Variants in GPR26 observed in about 807,000 individuals in gnomAD.
GPR26 encodes G protein-coupled receptor 26.
GPR26 carries 15 observed loss-of-function variants against 23.1 expected under a neutral mutation model. The ratio of observed to expected loss-of-function variants is 0.65; its 90% CI spans 0.43 to 1.00. The LOEUF is 1.00. GPR26 is among the 50% of genes least tolerant of loss of function. The probability of loss-of-function intolerance (pLI) is 0.00; values close to 1 mark genes in which losing one functional copy is unlikely to be tolerated. For synonymous variants in GPR26, 228 were observed against 222.1 expected, an observed-to-expected ratio of 1.03 and a Z score of -0.24; for missense variants, 359 against 470.5, an observed-to-expected ratio of 0.76 and a Z score of 2.19.
Position 123,692,537 on chromosome 10 carries a change from T to G in GPR26, c.*4377T>G, listed in dbSNP as rs1291650755. The G allele has an allele frequency of 6.6e-6, 1 of 152,450 alleles. No homozygotes were observed. The highest frequency in any genetic ancestry group is 1.9e-4 in the East Asian group (1 of 5,184). The allele number at this position is 152,450 out of a possible 1,614,324, so 9.4% of individuals were successfully genotyped here. A position where few individuals can be genotyped will look rare whatever the true frequency, so the allele number is the denominator to read the frequency against. ...CAGCTGGTGGGTATGGAGGAAAGAC[T>G]AGACATCAGGCTATGGACTCACATG... On this transcript the variant is annotated 3_prime_UTR_variant, in exon 3 of 3. Transcript: ENST00000284674.
rs1363575266 is a variant in GPR26, at chr10:123,696,404, T to C, written c.*8244T>C. 1.3e-5 allele frequency among the ~76,000 whole-genome samples: 2 copies of C among 152,110 alleles called. No individual in the cohort carries two copies. Among genetic ancestry groups the C allele is most frequent in the East Asian group, 3.9e-4 (2 of 5,188 alleles). On this transcript the variant is annotated 3_prime_UTR_variant, in exon 3 of 3. Coordinates refer to ENST00000284674, the MANE Select transcript of GPR26 (RefSeq NM_153442.4). ...ATTTTCATAGATTCTATTTTTTTCA[T>C]GTCTGTGAAAAGTGGGGTGGGGAAC...
chr10:123,695,579 G>A lies in GPR26; in HGVS notation c.*7419G>A, dbSNP rs190533135. On this transcript the variant is annotated 3_prime_UTR_variant, in exon 3 of 3. Transcript: ENST00000284674. ...TCGGGGGAGCATTGGATGCCATCAC[G>A]TTGACACTCAATTGATTGGGTGACC... Among the ~76,000 whole-genome samples, 4 of 152,274 alleles carry A rather than the reference G, an allele frequency of 2.6e-5. No individual in the cohort carries two copies. Among genetic ancestry groups the A allele is most frequent in the South Asian group, 2.1e-4 (1 of 4,822 alleles).
intron 2 of GPR26, among the ~76,000 whole-genome samples, chr10:123,686,268 T>C (rs1845429506): frequency 1.3e-5 from 2 of 152,258 alleles, no homozygotes; most frequent in Admixed American, 6.5e-5. Context: ...TGTGTTGGCA[T>C]TCAGCTAATT....
At position 123,694,765 on chromosome 10, in the gene GPR26, A is replaced by AGAAG. The variant is rs1293299461; in HGVS notation, c.*6618_*6621dup. ...GCAGATTCCCTAGGAAGTTGAACGAAGAAGGAAGGAAGGAAGAAAGGAGAG... is the reference window on the plus strand; with the variant it reads ...GCAGATTCCCTAGGAAGTTGAACGAAGAAGGAAGGAAGGAAGGAAGAAAGGAGAG... On this transcript the variant is annotated 3_prime_UTR_variant, in exon 3 of 3. Coordinates refer to ENST00000284674, the MANE Select transcript of GPR26 (RefSeq NM_153442.4). Among the ~76,000 whole-genome samples, 3 of 138,666 alleles carry AGAAG rather than the reference A, an allele frequency of 2.2e-5. No homozygotes were observed. Among genetic ancestry groups the AGAAG allele is most frequent in the African/African-American group, 9.0e-5 (3 of 33,454 alleles). The allele number at this position is 138,666 out of a possible 152,430, so 91.0% of individuals were successfully genotyped here. A position where few individuals can be genotyped will look rare whatever the true frequency, so the allele number is the denominator to read the frequency against.
At chr10:123,682,470 C>A (rs1295143788) in intron 2 of GPR26, among the ~76,000 whole-genome samples, 3 of 152,214 alleles carry the variant, frequency 2.0e-5, no homozygotes, top group Non-Finnish European at 4.4e-5. Flanking sequence ...AAGTCACAGT[C>A]ACACAGGCTC....
rs953549609 is a variant in GPR26 at position 123,687,960 on chromosome 10, G to T, written c.814G>T (p.Gly272Cys). 6.2e-7 allele frequency: 1 copy of T among 1,613,500 alleles called. No homozygotes were observed. The highest frequency in any genetic ancestry group is 1.3e-5 in the African/African-American group (1 of 74,898). Residue 272 changes from glycine (G) to cysteine (C), a missense_variant, in exon 3 of 3, where the codon GGC (glycine) becomes TGC (cysteine). By Grantham distance (159) the Gly-to-Cys change is radical (BLOSUM62 -3). Transcript: ENST00000284674. Reference sequence around the variant, plus strand: ...GGAGCTCTTCTCCACGGTGCCCATCGGCTCCCACTGGGGGGTGCTGTCCAA... The same window carrying T: ...GGAGCTCTTCTCCACGGTGCCCATCTGCTCCCACTGGGGGGTGCTGTCCAA... ...LVELFSTVPIGSHWGVLSKCL... is the reference protein window; with the variant it reads ...LVELFSTVPICSHWGVLSKCL...
At chr10:123,675,821 T>TGTGTAC (rs1845301228) in intron 2 of GPR26, among the ~76,000 whole-genome samples, 3 of 142,412 alleles carry the variant, frequency 2.1e-5, no homozygotes, top group African/African-American at 8.1e-5. Context: ...TGTGTGTACG[T>TGTGTAC]GTGTGTGTGT....
intron 2 of GPR26, among the ~76,000 whole-genome samples, chr10:123,686,290 T>G (rs1845429708): frequency 6.6e-6 from 1 of 152,234 alleles, no homozygotes; most frequent in South Asian, 2.1e-4. Flanking sequence ...ATTGTTATTA[T>G]TAGGTGTGAA....
chr10:123,680,261 T>A (rs72841603), intron 2 of GPR26, among the ~76,000 whole-genome samples: 1 of 152,188 alleles, frequency 6.6e-6, no homozygotes, highest in Non-Finnish European at 1.5e-5. Flanking sequence ...TGGAGCTTGT[T>A]TGAGCTAAGA....
In GPR26 at chr10:123,697,329, T is replaced by C. The variant is rs1002183948; in HGVS notation, c.*9169T>C. Among the ~76,000 whole-genome samples, 1 of 151,700 alleles carries C rather than the reference T, an allele frequency of 6.6e-6. No homozygotes were observed. The highest frequency in any genetic ancestry group is 1.5e-5 in the Non-Finnish European group (1 of 67,866). On this transcript the variant is annotated 3_prime_UTR_variant, in exon 3 of 3. Transcript: ENST00000284674. ...CAAATGCTGTAATATATTTTTATGA[T>C]AGAATTGATGGTTAATACAGGGAAA...
intron 1 of GPR26, among the ~76,000 whole-genome samples, chr10:123,669,839 C>T (rs561668491): frequency 2.4e-4 from 36 of 152,176 alleles, no homozygotes; most frequent in Non-Finnish European, 4.9e-4. Flanking sequence ...GCACTCCTGC[C>T]TTTCTGTGGT....
At position 123,674,928 on chromosome 10, in the gene GPR26, C is replaced by T; in HGVS notation, c.779C>T (p.Thr260Ile). Residue 260 changes from threonine (T) to isoleucine (I), a missense_variant, in exon 2 of 3, where the codon ACC (threonine) becomes ATC (isoleucine). Coordinates refer to ENST00000284674, the MANE Select transcript of GPR26 (RefSeq NM_153442.4). This position sits in a 1 kb window ranked among gnomAD's most constrained non-coding sequence, Gnocchi z 4.1. ...GTGTGCTTCGCGCCCTATGTGATCACCAGGTGAGCCTGATTGGCAGGTGTG... is the reference window on the plus strand; with the variant it reads ...GTGTGCTTCGCGCCCTATGTGATCATCAGGTGAGCCTGATTGGCAGGTGTG... ...FLVCFAPYVITRLVELFSTVP... is the reference protein window; with the variant it reads ...FLVCFAPYVIIRLVELFSTVP... The T allele has an allele frequency of 6.3e-7, 1 of 1,591,012 alleles. No homozygotes were observed. Among genetic ancestry groups the T allele is most frequent in the South Asian group, 1.1e-5 (1 of 90,230 alleles).
intron 2 of GPR26, among the ~76,000 whole-genome samples, chr10:123,683,572 C>T (rs1003699827): frequency 3.3e-5 from 5 of 152,200 alleles, no homozygotes; most frequent in African/African-American, 1.2e-4. Flanking sequence ...CCTCCTGCCT[C>T]CCGGGACCAG....
chr10:123,677,271 A>G (rs1374753691), intron 2 of GPR26, among the ~76,000 whole-genome samples: 1 of 152,184 alleles, frequency 6.6e-6, no homozygotes, highest in Non-Finnish European at 1.5e-5. Context: ...ACAACTCAAT[A>G]TGCTCCCTCC....
intron 1 of GPR26, among the ~76,000 whole-genome samples, chr10:123,669,009 G>C (rs1845220846): frequency 1.3e-5 from 2 of 152,224 alleles, no homozygotes; most frequent in Non-Finnish European, 2.9e-5. Context: ...GGGGTCTCAG[G>C]AGTGGAGGCA....
chr10:123,666,437 G>T lies in GPR26; in HGVS notation c.30G>T (p.Gly10=). 6.5e-7 allele frequency: 1 copy of T among 1,535,958 alleles called. No homozygotes were observed. The highest frequency in any genetic ancestry group is 2.5e-5 in the East Asian group (1 of 39,742). The change falls in exon 1 of 3, where the codon GGG becomes GGT. Residue 10 remains glycine (G), a synonymous_variant. Transcript: ENST00000284674. ...ACTCGTGGGACGCGGGCCTGGCGGGGCTACTGGTGGGCACGATGGGCGTCT... is the reference window on the plus strand; with the variant it reads ...ACTCGTGGGACGCGGGCCTGGCGGGTCTACTGGTGGGCACGATGGGCGTCT... MNSWDAGLA[G]LLVGTMGVSL...
Position 123,688,622 on chromosome 10 carries a change from C to G in GPR26, c.*462C>G. ...CTGGCAGTGGTCATTTGGCCCGGAT[C>G]TAACATGGCACCTCGTCTCCACAGG... On this transcript the variant is annotated 3_prime_UTR_variant, in exon 3 of 3. Coordinates refer to ENST00000284674, the MANE Select transcript of GPR26 (RefSeq NM_153442.4). 1 of 182,372 alleles carries G rather than the reference C, an allele frequency of 5.5e-6. No individual in the cohort carries two copies. Among genetic ancestry groups the G allele is most frequent in the Non-Finnish European group, 1.2e-5 (1 of 86,054 alleles). 11.3% of individuals were successfully genotyped at this position (182,372 alleles called of 1,614,324 possible).
At chr10:123,671,128 G>A (rs748307666) in intron 1 of GPR26, among the ~76,000 whole-genome samples, 21 of 152,160 alleles carry the variant, frequency 1.4e-4, no homozygotes, top group African/African-American at 1.9e-4. Flanking sequence ...TACTCAGAGC[G>A]TGGGCTCTGG....
chr10:123,678,928 G>C (rs533436359), intron 2 of GPR26, among the ~76,000 whole-genome samples: 54 of 152,216 alleles, frequency 3.5e-4, no homozygotes, highest in Non-Finnish European at 6.8e-4. Context: ...AACACACATT[G>C]CTTGTGAGGA....
Sources: allele counts gnomAD v4.1 joint callset (sites outside exome capture counted in the v4.1 genomes callset), GRCh38; gene constraint gnomAD v4.1.1; non-coding constraint Gnocchi (gnomAD v3.1); transcripts MANE v1.5; gene names NCBI Gene and HGNC (gene_info 2026-07-23, HGNC 2026-07-21).